CCR1: variants seen among roughly 807,000 people sequenced by gnomAD.
The protein encoded by CCR1 is C-C chemokine receptor type 1.
CCR1 carries 1 observed loss-of-function variant against 0.3 expected under a neutral mutation model. The observed-to-expected ratio is 3.70, with a 90% confidence interval of 1.31 to 17.54. CCR1 has a LOEUF of 17.54. CCR1 is among the 30% of genes most tolerant of loss of function. The probability of loss-of-function intolerance (pLI) is 0.11; values close to 1 mark genes in which losing one functional copy is unlikely to be tolerated. For missense variants in CCR1, 349 were observed against 435.4 expected, an observed-to-expected ratio of 0.80 and a Z score of 1.77; for synonymous variants, 207 against 182.5, an observed-to-expected ratio of 1.13 and a Z score of -1.08.
At chr3:46,205,182 C>T (rs939315897) in intron 1 of CCR1, among the ~76,000 whole-genome samples, 1 of 152,128 alleles carries the variant, frequency 6.6e-6, no homozygotes, top group Non-Finnish European at 1.5e-5. Flanking sequence ...CCTAGTAGGT[C>T]AACCCCATTA....
rs181920971 is a variant in CCR1, at chr3:46,203,359, G to A, written c.955C>T (p.Arg319Cys). Residue 319 changes from arginine to cysteine, a missense_variant, in exon 2 of 2, where the codon CGT becomes TGT. Coordinates refer to ENST00000296140, the MANE Select transcript of CCR1 (RefSeq NM_001295.3). The surrounding 1 kb of genome is among the most constrained non-coding windows in gnomAD (Gnocchi z 4.5). The part of the protein sequence containing the change: ...RKYLRQLFHR[R>C]VAVHLVKWLP... ...CATTTAACCAGGTGCACAGCCACAC[G>A]CCTGTGGAACAACTGCCGCAGGTAC... 38 of 1,614,068 alleles carry A rather than the reference G, an allele frequency of 2.4e-5. No individual in the cohort carries two copies. The highest frequency in any genetic ancestry group is 4.0e-5 in the African/African-American group (3 of 75,022).
chr3:46,207,343 G>A (rs751934938), intron 1 of CCR1, among the ~76,000 whole-genome samples: 1 of 151,656 alleles, frequency 6.6e-6, no homozygotes, highest in African/African-American at 2.4e-5. Context: ...ATACCTATAC[G>A]GAGCCACCAT....
chr3:46,208,238 C>T (rs1409518636), intron 1 of CCR1, 44 bp downstream of exon 1: 2 of 152,180 alleles, frequency 1.3e-5, no homozygotes, highest in South Asian at 2.1e-4. Context: ...ACAACACTGC[C>T]CTCCACAGTA....
intron 1 of CCR1, among the ~76,000 whole-genome samples, chr3:46,205,349 AAG>A (rs769589802): frequency 6.6e-6 from 1 of 152,182 alleles, no homozygotes; most frequent in Non-Finnish European, 1.5e-5. Context: ...TGGTCAGAAA[AAG>A]AGAAAACTGG....
rs141473035 is a variant in CCR1, at chr3:46,205,007, G to A, written c.-11-683C>T. 9.2e-5 allele frequency among the ~76,000 whole-genome samples: 14 copies of A among 152,324 alleles called. No homozygotes were observed. The East Asian group carries it at 1.9e-3, about 21-fold the overall frequency. ...TTTTGGTCTAAGAAGATTCTCAGCC[G>A]AGAGTGACCTAGTACCCTTGGGGCA... On this transcript the variant is annotated intron_variant, in intron 1 of 1. Coordinates refer to ENST00000296140, the MANE Select transcript of CCR1 (RefSeq NM_001295.3).
In CCR1 at chr3:46,203,185, T is replaced by A. The variant is rs1699612985; in HGVS notation, c.*61A>T. On this transcript the variant is annotated 3_prime_UTR_variant, in exon 2 of 2. Transcript: ENST00000296140. This position sits in a 1 kb window ranked among gnomAD's most constrained non-coding sequence, Gnocchi z 4.5. Reference sequence around the variant, plus strand: ...AACCTGGCTGGGAGAGCCAGGCTGCTGGCTCAGTGTGCCTGGCAGGTCACG... The same window carrying A: ...AACCTGGCTGGGAGAGCCAGGCTGCAGGCTCAGTGTGCCTGGCAGGTCACG... The A allele has an allele frequency of 8.0e-7, 1 of 1,255,774 alleles. No homozygotes were observed. The highest frequency in any genetic ancestry group is 2.0e-5 in the Admixed American group (1 of 50,018). The allele number at this position is 1,255,774 out of a possible 1,614,324, so 77.8% of individuals were successfully genotyped here. A position where few individuals can be genotyped will look rare whatever the true frequency, so the allele number is the denominator to read the frequency against.
rs1699604036 is a variant in CCR1, at chr3:46,202,342, T to C, written c.*904A>G. On this transcript the variant is annotated 3_prime_UTR_variant, in exon 2 of 2. Transcript: ENST00000296140. ...CAACCCTGCTTCCTTTTGCCTGTTA[T>C]TAATCGCTGCAATAAAGCCATTAGA... The C allele has an allele frequency of 6.6e-6, 1 of 152,096 alleles. No individual in the cohort carries two copies. 9.4% of individuals were successfully genotyped at this position (152,096 alleles called of 1,614,324 possible).
intron 1 of CCR1, among the ~76,000 whole-genome samples, chr3:46,204,738 T>C (rs185705246): frequency 1.2e-4 from 19 of 152,262 alleles, no homozygotes; most frequent in African/African-American, 4.6e-4. Context: ...TTGTTGTTCT[T>C]ATTTAAGAGG....
rs369715514 is a variant in CCR1 at position 46,203,504 on chromosome 3, G to T, written c.810C>A (p.Thr270=). ...AATGTCTGCTCTGCTCACACTCATG[G>T]GTGAACAGGAAGTCTTGGAAAACAG... is the stretch of plus-strand genomic sequence containing the variant. ...LISVFQDFLF[T]HECEQSRHLD... is the part of the protein sequence containing the mutation. The change falls in exon 2 of 2, where the codon ACC becomes ACA. Residue 270 remains threonine (T), a synonymous_variant. Coordinates refer to ENST00000296140, the MANE Select transcript of CCR1 (RefSeq NM_001295.3). The surrounding 1 kb of genome is among the most constrained non-coding windows in gnomAD (Gnocchi z 4.5). The T allele has an allele frequency of 1.2e-6, 2 of 1,613,916 alleles. No homozygotes were observed. Among genetic ancestry groups the T allele is most frequent in the South Asian group, 2.2e-5 (2 of 91,080 alleles).
In CCR1 at chr3:46,203,496, C is replaced by CA; in HGVS notation, c.817dup (p.Cys273LeufsTer2). The CA allele has an allele frequency of 6.2e-7, 1 of 1,614,192 alleles. No individual in the cohort carries two copies. Among genetic ancestry groups the CA allele is most frequent in the Non-Finnish European group, 8.5e-7 (1 of 1,180,026 alleles). Reference sequence around the variant, plus strand: ...CAGGTCCAAATGTCTGCTCTGCTCACACTCATGGGTGAACAGGAAGTCTTG... The same window carrying CA: ...CAGGTCCAAATGTCTGCTCTGCTCACAACTCATGGGTGAACAGGAAGTCTTG... On this transcript the variant is annotated frameshift_variant, in exon 2 of 2. Transcript: ENST00000296140. LOFTEE classifies it low-confidence loss of function (END_TRUNC). This position sits in a 1 kb window ranked among gnomAD's most constrained non-coding sequence, Gnocchi z 4.5.
intron 1 of CCR1, 26 bp from the exon 2 acceptor site, chr3:46,204,350 T>A: frequency 7.5e-7 from 1 of 1,336,378 alleles, no homozygotes; most frequent in Non-Finnish European, 1.0e-6. Flanking sequence ...AAAAAAAAGA[T>A]TTGTCTTTAC....
At chr3:46,206,344 T>G (rs1488356996) in intron 1 of CCR1, among the ~76,000 whole-genome samples, 1 of 152,150 alleles carries the variant, frequency 6.6e-6, no homozygotes. Context: ...GGCCCACTCC[T>G]CCATCTCCAG....
intron 1 of CCR1, among the ~76,000 whole-genome samples, chr3:46,205,002 C>T (rs1699634210): frequency 6.6e-6 from 1 of 152,210 alleles, no homozygotes; most frequent in Non-Finnish European, 1.5e-5. Context: ...AGAAGATTCT[C>T]AGCCGAGAGT....
rs1018666577 is a variant in CCR1, at chr3:46,202,001, T to G, written c.*1245A>C. 6.6e-6 allele frequency: 1 copy of G among 152,152 alleles called. No individual in the cohort carries two copies. Among genetic ancestry groups the G allele is most frequent in the Non-Finnish European group, 1.5e-5 (1 of 68,026 alleles). The allele number at this position is 152,152 out of a possible 1,614,324, so 9.4% of individuals were successfully genotyped here. ...AAAATTATTTTTAAAGAAATATACA[T>G]CTGAGGGAAAAGAGAACAAAGGCAT... On this transcript the variant is annotated 3_prime_UTR_variant, in exon 2 of 2. Transcript: ENST00000296140.
At chr3:46,207,743 C>T (rs748810922) in intron 1 of CCR1, among the ~76,000 whole-genome samples, 10 of 151,360 alleles carry the variant, frequency 6.6e-5, no homozygotes, top group Non-Finnish European at 1.3e-4. Context: ...CTCCCGGATT[C>T]GAGTGATTCT....
At chr3:46,207,744 G>A (rs551624804) in intron 1 of CCR1, among the ~76,000 whole-genome samples, 7 of 151,048 alleles carry the variant, frequency 4.6e-5, no homozygotes, top group Non-Finnish European at 7.4e-5. Context: ...TCCCGGATTC[G>A]AGTGATTCTC....
chr3:46,207,739 G>T (rs1180455002), intron 1 of CCR1, among the ~76,000 whole-genome samples: 1 of 151,512 alleles, frequency 6.6e-6, no homozygotes, highest in Non-Finnish European at 1.5e-5. Context: ...CCACCTCCCG[G>T]ATTCGAGTGA....
At chr3:46,204,750 G>A (rs1360531853) in intron 1 of CCR1, among the ~76,000 whole-genome samples, 1 of 152,142 alleles carries the variant, frequency 6.6e-6, no homozygotes, top group Non-Finnish European at 1.5e-5. Context: ...TTTAAGAGGT[G>A]ATGAAACAGA....
chr3:46,207,233 C>T (rs1440746315), intron 1 of CCR1, among the ~76,000 whole-genome samples: 1 of 152,160 alleles, frequency 6.6e-6, no homozygotes, highest in Non-Finnish European at 1.5e-5. Flanking sequence ...ACTAAAGGAT[C>T]AGTGAGTGGC....
Sources: allele counts gnomAD v4.1 joint callset (sites outside exome capture counted in the v4.1 genomes callset), GRCh38; gene constraint gnomAD v4.1.1; non-coding constraint Gnocchi (gnomAD v3.1); transcripts MANE v1.5; gene names NCBI Gene and HGNC (gene_info 2026-07-23, HGNC 2026-07-21).